ZW10: variants seen among roughly 807,000 people sequenced by gnomAD.
ZW10 encodes the protein zw10 kinetochore protein.
In ZW10, 53 loss-of-function variants were observed where a neutral mutation model predicts 87.8. The ratio of observed to expected loss-of-function variants is 0.60; its 90% CI spans 0.48 to 0.76. The LOEUF (loss-of-function observed/expected upper bound fraction) is 0.76, where lower values mean the gene tolerates loss of function less well. ZW10 is among the 30% of genes least tolerant of loss of function. The pLI is 0.00. For missense variants in ZW10, 837 were observed against 923.0 expected, an observed-to-expected ratio of 0.91 and a Z score of 1.21; for synonymous variants, 312 against 329.2, an observed-to-expected ratio of 0.95 and a Z score of 0.57.
intron 5 of ZW10, 31 bp from the exon 6 acceptor site, chr11:113,758,737 C>A (rs1416633171): frequency 1.2e-6 from 2 of 1,609,634 alleles, no homozygotes; most frequent in Admixed American, 1.7e-5. Flanking sequence ...TATCAGCTGT[C>A]TCACCAATAT....
chr11:113,770,786 C>T (rs543623251), intron 1 of ZW10, among the ~76,000 whole-genome samples: 15 of 150,290 alleles, frequency 1.0e-4, no homozygotes, highest in Admixed American at 5.3e-4. Context: ...CCACTGCATT[C>T]CAGCCTGGGC....
At chr11:113,751,323 A>C (rs1405913934) in intron 7 of ZW10, 1 of 189,290 alleles carries the variant, frequency 5.3e-6, no homozygotes, top group East Asian at 1.3e-4. Flanking sequence ...AAAAGGCCAA[A>C]TACTTTTCTT....
intron 2 of ZW10, among the ~76,000 whole-genome samples, chr11:113,763,235 A>C (rs1186799700): frequency 6.6e-6 from 1 of 152,184 alleles, no homozygotes; most frequent in Non-Finnish European, 1.5e-5. Context: ...CATGGTGTAT[A>C]TGTACCACAT....
intron 2 of ZW10, among the ~76,000 whole-genome samples, chr11:113,764,904 C>T (rs1953895834): frequency 6.6e-6 from 1 of 152,188 alleles, no homozygotes; most frequent in Non-Finnish European, 1.5e-5. Flanking sequence ...TTTCTGACCA[C>T]TCCGTATATA....
At chr11:113,765,810 C>G (rs2134896300) in intron 2 of ZW10, among the ~76,000 whole-genome samples, 1 of 152,282 alleles carries the variant, frequency 6.6e-6, no homozygotes, top group Middle Eastern at 3.4e-3. Context: ...GCTATCTTTT[C>G]AAGAATGTCT....
intron 1 of ZW10, among the ~76,000 whole-genome samples, chr11:113,773,152 T>G (rs1347320528): frequency 6.6e-6 from 1 of 151,826 alleles, no homozygotes; most frequent in Non-Finnish European, 1.5e-5. Context: ...GGGGATCCTG[T>G]CTTTTCTATT....
rs1953695191 is a variant in ZW10 at position 113,747,726 on chromosome 11, A to AG, written c.1090-14dup. On this transcript the variant is annotated splice_polypyrimidine_tract_variant and intron_variant, in intron 8 of 15. Transcript: ENST00000200135. ...TGGACTGTATGATCTGAGATACAAA[A>AG]GAAAAAAAAGAAAAGAATCATTTAC... 6.4e-7 allele frequency: 1 copy of AG among 1,562,762 alleles called. No individual in the cohort carries two copies. The highest frequency in any genetic ancestry group is 1.2e-5 in the South Asian group (1 of 84,576).
intron 6 of ZW10, 52 bp from the exon 7 acceptor site, chr11:113,757,905 G>A (rs1041194397): frequency 6.9e-7 from 1 of 1,445,930 alleles, no homozygotes. Context: ...ACACTTCTAG[G>A]CCAGGCACAG....
At chr11:113,769,772 T>C (rs1280657935) in intron 1 of ZW10, 1 of 425,520 alleles carries the variant, frequency 2.4e-6, no homozygotes, top group Non-Finnish European at 4.5e-6. Flanking sequence ...CCACCTATCA[T>C]ATTTGCCATA....
At chr11:113,761,920 T>C (rs534696022) in intron 2 of ZW10, among the ~76,000 whole-genome samples, 2 of 152,320 alleles carry the variant, frequency 1.3e-5, no homozygotes, top group African/African-American at 4.8e-5. Context: ...TTCTCAACTC[T>C]CATTCACTCT....
intron 11 of ZW10, among the ~76,000 whole-genome samples, chr11:113,741,182 G>A (rs1174954602): frequency 6.6e-6 from 1 of 150,834 alleles, no homozygotes; most frequent in Non-Finnish European, 1.5e-5. Flanking sequence ...GTCTCACTAT[G>A]TTGCTCAAAC....
At chr11:113,773,499 C>T (rs1326545270) in intron 1 of ZW10, 63 bp downstream of exon 1, 1 of 1,438,308 alleles carries the variant, frequency 7.0e-7, no homozygotes, top group Non-Finnish European at 9.6e-7. Flanking sequence ...CTCCTCTCTC[C>T]AGTCCCTTCA....
intron 14 of ZW10, 57 bp downstream of exon 14, chr11:113,737,515 C>A: frequency 1.4e-6 from 2 of 1,447,928 alleles, no homozygotes; most frequent in South Asian, 1.6e-5. Flanking sequence ...TTAGCAAAGT[C>A]ACAATCTGGG....
At chr11:113,764,043 G>A (rs1953888545) in intron 2 of ZW10, among the ~76,000 whole-genome samples, 1 of 152,214 alleles carries the variant, frequency 6.6e-6, no homozygotes, top group Non-Finnish European at 1.5e-5. Flanking sequence ...TGTGTAAGGT[G>A]TAAGGAAGGG....
intron 2 of ZW10, among the ~76,000 whole-genome samples, chr11:113,767,213 G>A (rs1403178449): frequency 6.7e-6 from 1 of 148,816 alleles, no homozygotes; most frequent in African/African-American, 2.5e-5. Flanking sequence ...TTGAGCCACT[G>A]CATTTCAAGG....
At chr11:113,764,369 A>G (rs1953891636) in intron 2 of ZW10, among the ~76,000 whole-genome samples, 1 of 152,194 alleles carries the variant, frequency 6.6e-6, no homozygotes, top group Non-Finnish European at 1.5e-5. Context: ...ATATGAAATT[A>G]AAACAGTTTT....
chr11:113,752,817 C>A (rs190603771), intron 7 of ZW10, among the ~76,000 whole-genome samples: 54 of 152,238 alleles, frequency 3.5e-4, no homozygotes, highest in Admixed American at 2.2e-3. Context: ...ATGGCTTATA[C>A]GTGTTCAAGT....
intron 15 of ZW10, among the ~76,000 whole-genome samples, chr11:113,734,833 CATA>C (rs1953531434): frequency 1.3e-5 from 2 of 150,856 alleles, no homozygotes; most frequent in South Asian, 4.2e-4. Flanking sequence ...ATTTCAAAAA[CATA>C]ATAATAATAT....
At position 113,733,466 on chromosome 11, in the gene ZW10, A is replaced by G. The variant is rs1405470690; in HGVS notation, c.*228T>C. On this transcript the variant is annotated 3_prime_UTR_variant, in exon 16 of 16. Transcript: ENST00000200135. The stretch of plus-strand genomic sequence containing the variant: ...GTTAGCTAATCAAAGGAAGATGGCT[A>G]GAAAGTCAATGAATTGAGGTGCTTT... The G allele has an allele frequency of 1.9e-6, 1 of 524,544 alleles. No individual in the cohort carries two copies. 32.5% of individuals were successfully genotyped at this position (524,544 alleles called of 1,614,324 possible).
Sources: gnomAD v4.1 joint callset for allele counts (sites outside exome capture counted in the v4.1 genomes callset) on GRCh38, gnomAD v4.1.1 for gene constraint, MANE v1.5 for transcripts, NCBI Gene and HGNC (gene_info 2026-07-23, HGNC 2026-07-21) for gene names.